The following SORBS2 variants were observed in gnomAD, a reference collection of about 807,000 sequenced individuals.
SORBS2 encodes the protein sorbin and SH3 domain containing 2, also known as sorbin and SH3 domain-containing protein 2.
SORBS2 carries 46 observed loss-of-function variants against 97.7 expected under a neutral mutation model. That is an observed-to-expected ratio of 0.47 (90% CI 0.37 to 0.60). The LOEUF is 0.60. SORBS2 is among the 20% of genes least tolerant of loss of function. The probability of loss-of-function intolerance (pLI) is 0.00; values close to 1 mark genes in which losing one functional copy is unlikely to be tolerated. For synonymous variants in SORBS2, 476 were observed against 473.4 expected (o/e 1.01, Z -0.07); for missense variants, 1,316 against 1,282.3 (o/e 1.03, Z -0.40).
At chr4:185,717,432 C>G (rs1339654029) in intron 2 of SORBS2, among the ~76,000 whole-genome samples, 1 of 152,152 alleles carries the variant, frequency 6.6e-6, no homozygotes, top group South Asian at 2.1e-4. Context: ...TGAGGAAGGC[C>G]GACATCCTCC....
At chr4:185,728,977 C>A (rs10014995) in intron 2 of SORBS2, among the ~76,000 whole-genome samples, 32,361 of 152,224 alleles carry the variant, frequency 0.21, 4,065 homozygotes, top group Non-Finnish European at 0.28. Flanking sequence ...CCTTCCATCT[C>A]TTCTTCCTTA....
intron 7 of SORBS2, among the ~76,000 whole-genome samples, chr4:185,621,307 T>C (rs916975291): frequency 5.9e-5 from 9 of 152,202 alleles, no homozygotes; most frequent in African/African-American, 2.2e-4. Flanking sequence ...AAATTACTTT[T>C]TCTAACCCAG....
intron 2 of SORBS2, among the ~76,000 whole-genome samples, chr4:185,723,174 C>CGA: frequency 6.6e-6 from 1 of 152,132 alleles, no homozygotes; most frequent in Non-Finnish European, 1.5e-5. Context: ...CCCACAGCCA[C>CGA]TAAAAGCATA....
At chr4:185,675,829 G>A (rs1411391426) in intron 4 of SORBS2, among the ~76,000 whole-genome samples, 1 of 152,042 alleles carries the variant, frequency 6.6e-6, no homozygotes, top group Non-Finnish European at 1.5e-5. Flanking sequence ...CATCTTGATT[G>A]GCTGATGGAG....
At chr4:185,835,139 G>T (rs1013390486) in intron 1 of SORBS2, among the ~76,000 whole-genome samples, 5 of 152,148 alleles carry the variant, frequency 3.3e-5, no homozygotes, top group African/African-American at 1.2e-4. Context: ...ATGAGTAAAA[G>T]CTTCCTGAAG....
chr4:185,690,490 A>T (rs147853881), intron 2 of SORBS2, 72 bp downstream of exon 4: 12,099 of 936,202 alleles, frequency 0.013, 99 homozygotes, highest in Admixed American at 0.033. Context: ...AGAGTGCTAA[A>T]CTAATGATTT....
In SORBS2 at chr4:185,890,733, G is replaced by A. The variant is rs1023354551; in HGVS notation, c.-338+65463C>T. Among the ~76,000 whole-genome samples the A allele has an allele frequency of 3.3e-5, 5 of 152,292 alleles. No individual in the cohort carries two copies. The South Asian group carries it at 1.0e-3, about 32-fold the overall frequency. Reference sequence around the variant, plus strand: ...CCTTCACAGCTGTATGCACTCAGGAGCATGGGGACACCCTCCTTTCATCTT... The same window carrying A: ...CCTTCACAGCTGTATGCACTCAGGAACATGGGGACACCCTCCTTTCATCTT... On this transcript the variant is annotated intron_variant, in intron 1 of 20. Transcript: ENST00000284776.
chr4:185,751,997 C>T (rs558263580), intron 2 of SORBS2, among the ~76,000 whole-genome samples: 5 of 152,166 alleles, frequency 3.3e-5, no homozygotes, highest in Non-Finnish European at 5.9e-5. Flanking sequence ...TGCTAACTGC[C>T]ATCGTGTGGG....
Position 185,684,298 on chromosome 4 carries a change from A to G in SORBS2, c.-197-5476T>C, listed in dbSNP as rs1314113643. On this transcript the variant is annotated intron_variant, in intron 2 of 20. Coordinates refer to the SORBS2 transcript ENST00000284776. This position sits in a 1 kb window ranked among gnomAD's most constrained non-coding sequence, Gnocchi z 4.2. ...AATCTTAATTGGTCAAGATTTTGGT[A>G]TGTTTAAATATATATAGTAGAAGGG... Among the ~76,000 whole-genome samples, 1 of 152,186 alleles carries G rather than the reference A, an allele frequency of 6.6e-6. No homozygotes were observed. Among genetic ancestry groups the G allele is most frequent in the Admixed American group, 6.5e-5 (1 of 15,282 alleles).
chr4:185,910,873 T>A (rs577991104), intron 1 of SORBS2, among the ~76,000 whole-genome samples: 2 of 152,290 alleles, frequency 1.3e-5, no homozygotes, highest in Non-Finnish European at 2.9e-5. Context: ...GAATTTAACA[T>A]TATCCAAATT....
At chr4:185,939,597 G>A (rs2099270842) in intron 1 of SORBS2, among the ~76,000 whole-genome samples, 1 of 151,984 alleles carries the variant, frequency 6.6e-6, no homozygotes, top group Admixed American at 6.6e-5. Flanking sequence ...CGCAACCTCT[G>A]CCTCCCAGGT....
rs186598796 is a variant in SORBS2 at position 185,901,001 on chromosome 4, T to C, written c.-338+55195A>G. Among the ~76,000 whole-genome samples the C allele has an allele frequency of 5.3e-5, 8 of 152,336 alleles. No individual in the cohort carries two copies. In the East Asian group the frequency reaches 1.2e-3, roughly 22 times the overall value. Reference sequence around the variant, plus strand: ...ACATATCTAACATTTGCAATCTCAATTGCATGAAACAAGGTAGATAAACTA... The same window carrying C: ...ACATATCTAACATTTGCAATCTCAACTGCATGAAACAAGGTAGATAAACTA... On this transcript the variant is annotated intron_variant, in intron 1 of 20. Coordinates refer to the SORBS2 transcript ENST00000284776.
At chr4:185,881,606 C>T (rs2099236915) in intron 1 of SORBS2, among the ~76,000 whole-genome samples, 1 of 152,078 alleles carries the variant, frequency 6.6e-6, no homozygotes, top group African/African-American at 2.4e-5. Flanking sequence ...AGAAAAAATG[C>T]CAACAACTTC....
intron 2 of SORBS2, among the ~76,000 whole-genome samples, chr4:185,694,328 T>A (rs1166911506): frequency 6.6e-6 from 1 of 152,230 alleles, no homozygotes; most frequent in Non-Finnish European, 1.5e-5. Flanking sequence ...AAGTATTCTC[T>A]TAACTTGGAA....
intron 1 of SORBS2, among the ~76,000 whole-genome samples, chr4:185,950,870 G>A (rs1205009704): frequency 6.6e-6 from 1 of 152,182 alleles, no homozygotes; most frequent in Non-Finnish European, 1.5e-5. Flanking sequence ...AGCAGAATAG[G>A]AAGGGAATAG....
chr4:185,690,836 C>G (rs983043830), intron 2 of SORBS2, among the ~76,000 whole-genome samples: 2 of 151,874 alleles, frequency 1.3e-5, no homozygotes, highest in African/African-American at 2.4e-5. Context: ...TGTTTTTATG[C>G]TTTTGTTTAA....
chr4:185,706,325 T>C (rs2098340688), intron 2 of SORBS2, among the ~76,000 whole-genome samples: 1 of 152,232 alleles, frequency 6.6e-6, no homozygotes, highest in African/African-American at 2.4e-5. Flanking sequence ...TACCACTTCA[T>C]ATCCCAACCA....
At chr4:185,920,034 C>T (rs934587548) in intron 1 of SORBS2, among the ~76,000 whole-genome samples, 1 of 152,194 alleles carries the variant, frequency 6.6e-6, no homozygotes, top group African/African-American at 2.4e-5. Context: ...AAGAAAAATG[C>T]AAGCTATATG....
At chr4:185,614,664 A>T in intron 11 of SORBS2, 167 bp downstream of exon 23, 3 of 743,228 alleles carry the variant, frequency 4.0e-6, no homozygotes, top group Admixed American at 6.0e-5. Flanking sequence ...CCAGCAGGGA[A>T]CCGTGACTCT....
Sources: allele counts gnomAD v4.1 joint callset (sites outside exome capture counted in the v4.1 genomes callset), GRCh38; gene constraint gnomAD v4.1.1; non-coding constraint Gnocchi (gnomAD v3.1); transcripts MANE v1.5; gene names NCBI Gene and HGNC (gene_info 2026-07-23, HGNC 2026-07-21).